The following PRKD1 variants were observed in gnomAD, a reference collection of about 807,000 sequenced individuals.
The protein encoded by PRKD1 is protein kinase D1.
In PRKD1, 63 loss-of-function variants were observed where a neutral mutation model predicts 95.9. The ratio of observed to expected loss-of-function variants is 0.66; its 90% confidence interval spans 0.54 to 0.81. PRKD1 has a LOEUF of 0.81. Among genes scored for constraint, PRKD1 ranks in the 30% least tolerant of loss-of-function variants. The probability of loss-of-function intolerance (pLI) is 0.00; values close to 1 mark genes in which losing one functional copy is unlikely to be tolerated. For missense variants in PRKD1, 1,048 were observed against 1,165.3 expected, an observed-to-expected ratio of 0.90 and a Z score of 1.47; for synonymous variants, 425 against 423.1, an observed-to-expected ratio of 1.00 and a Z score of -0.05.
chr14:29,864,287 C>T (rs1892808898), intron 1 of PRKD1, among the ~76,000 whole-genome samples: 1 of 151,844 alleles, frequency 6.6e-6, no homozygotes, highest in Non-Finnish European at 1.5e-5. Flanking sequence ...AGTTTCATTC[C>T]AACCTACAAA....
chr14:29,709,787 C>A (rs918490103), intron 2 of PRKD1, among the ~76,000 whole-genome samples: 2 of 152,164 alleles, frequency 1.3e-5, no homozygotes, highest in African/African-American at 4.8e-5. Context: ...ATGATGCCCA[C>A]ACACATCAAG....
chr14:29,920,269 G>A (rs1895055877), intron 1 of PRKD1, among the ~76,000 whole-genome samples: 2 of 152,082 alleles, frequency 1.3e-5, no homozygotes, highest in Non-Finnish European at 2.9e-5. Context: ...AAGTAATGCT[G>A]GGGAAATTAA....
At chr14:29,727,792 C>A (rs9671715) in intron 1 of PRKD1, among the ~76,000 whole-genome samples, 47,330 of 150,860 alleles carry the variant, frequency 0.31, 8,852 homozygotes, top group African/African-American at 0.52. Context: ...TGGATTAAGA[C>A]AATGTGGCAC....
intron 1 of PRKD1, among the ~76,000 whole-genome samples, chr14:29,791,425 C>T (rs1025974652): frequency 1.3e-5 from 2 of 152,138 alleles, no homozygotes; most frequent in Non-Finnish European, 2.9e-5. Context: ...ACATATCCTT[C>T]ATCCCAAGGA....
At chr14:29,661,305 A>G (rs1180608854) in intron 4 of PRKD1, among the ~76,000 whole-genome samples, 1 of 152,200 alleles carries the variant, frequency 6.6e-6, no homozygotes, top group Admixed American at 6.5e-5. Flanking sequence ...CTGTCTTTAC[A>G]AGGGTCAGGC....
chr14:29,636,745 C>A (rs1039302716), intron 6 of PRKD1, among the ~76,000 whole-genome samples: 1 of 151,930 alleles, frequency 6.6e-6, no homozygotes, highest in African/African-American at 2.4e-5. Context: ...AGCCTGGTAC[C>A]CATTAGTTAT....
chr14:29,680,893 G>A (rs762241098), intron 2 of PRKD1, among the ~76,000 whole-genome samples: 5 of 152,156 alleles, frequency 3.3e-5, no homozygotes, highest in South Asian at 2.1e-4. Context: ...GTGAAAACAC[G>A]CGGAGGAGGA....
intron 1 of PRKD1, among the ~76,000 whole-genome samples, chr14:29,814,034 T>C (rs547169614): frequency 2.0e-5 from 3 of 152,344 alleles, no homozygotes; most frequent in Non-Finnish European, 4.4e-5. Context: ...ACTAAGGTAT[T>C]CAAAATATAT....
chr14:29,729,375 T>G (rs1886323272), intron 1 of PRKD1, among the ~76,000 whole-genome samples: 1 of 152,104 alleles, frequency 6.6e-6, no homozygotes, highest in Non-Finnish European at 1.5e-5. Context: ...GACTTCAATT[T>G]CCTCTTAAGT....
At chr14:29,593,277 CTAAGT>C (rs1464001670) in intron 16 of PRKD1, among the ~76,000 whole-genome samples, 3 of 152,094 alleles carry the variant, frequency 2.0e-5, no homozygotes, top group Admixed American at 2.0e-4. Context: ...ACACCATTTG[CTAAGT>C]TTTCTTCAAA....
chr14:29,801,714 G>A (rs1450262618), intron 1 of PRKD1, among the ~76,000 whole-genome samples: 3 of 151,956 alleles, frequency 2.0e-5, no homozygotes, highest in African/African-American at 7.2e-5. Context: ...TTTAGATGGA[G>A]TTTCGCTCTT....
At chr14:29,766,918 C>T (rs1387123532) in intron 1 of PRKD1, among the ~76,000 whole-genome samples, 1 of 152,122 alleles carries the variant, frequency 6.6e-6, no homozygotes, top group East Asian at 1.9e-4. Flanking sequence ...CTAATCACTT[C>T]CTGTCTTAAG....
chr14:29,921,613 T>G (rs956772816), intron 1 of PRKD1, among the ~76,000 whole-genome samples: 1 of 152,170 alleles, frequency 6.6e-6, no homozygotes, highest in Non-Finnish European at 1.5e-5. Flanking sequence ...CAGTAACAGT[T>G]ATTCATGAAT....
chr14:29,797,136 C>T (rs1288486435), intron 1 of PRKD1, among the ~76,000 whole-genome samples: 1 of 152,144 alleles, frequency 6.6e-6, no homozygotes, highest in East Asian at 1.9e-4. Context: ...AGGGAATTTA[C>T]AGGCACCCTA....
At chr14:29,637,732 A>G (rs1248919790) in intron 6 of PRKD1, among the ~76,000 whole-genome samples, 1 of 152,138 alleles carries the variant, frequency 6.6e-6, no homozygotes, top group Non-Finnish European at 1.5e-5. Context: ...TACAGTATAT[A>G]TTTCTTCTAG....
intron 6 of PRKD1, among the ~76,000 whole-genome samples, 195 bp from the exon 7 acceptor site, chr14:29,636,689 T>A (rs1880405716): frequency 6.6e-6 from 1 of 152,162 alleles, no homozygotes; most frequent in African/African-American, 2.4e-5. Flanking sequence ...GGTAAACTTG[T>A]GTCATGGGGG....
chr14:29,916,068 G>T (rs1894878077), intron 1 of PRKD1, among the ~76,000 whole-genome samples: 1 of 152,138 alleles, frequency 6.6e-6, no homozygotes, highest in Admixed American at 6.5e-5. Flanking sequence ...CCCCTCTGCT[G>T]GCCATTGTAC....
intron 1 of PRKD1, among the ~76,000 whole-genome samples, chr14:29,727,759 C>A (rs939606096): frequency 6.6e-6 from 1 of 151,952 alleles, no homozygotes; most frequent in Admixed American, 6.6e-5. Context: ...TGGAACCAAC[C>A]CAAATGTCCA....
chr14:29,673,059 C>A (rs1882958616), intron 2 of PRKD1, among the ~76,000 whole-genome samples: 1 of 152,196 alleles, frequency 6.6e-6, no homozygotes, highest in African/African-American at 2.4e-5. Flanking sequence ...CTTTTCCAGG[C>A]AGCTGAGCTC....
Sources: allele counts gnomAD v4.1 joint callset (sites outside exome capture counted in the v4.1 genomes callset), GRCh38; gene constraint gnomAD v4.1.1; transcripts MANE v1.5; gene names NCBI Gene and HGNC (gene_info 2026-07-23, HGNC 2026-07-21).